PDE1A: variants seen among roughly 807,000 people sequenced by gnomAD.
PDE1A encodes phosphodiesterase 1A, also known as dual specificity calcium/calmodulin-dependent 3',5'-cyclic nucleotide phosphodiesterase 1A.
A neutral mutation model predicts 61.7 loss-of-function variants in PDE1A; 35 were observed. The observed-to-expected ratio is 0.57, with a 90% confidence interval of 0.43 to 0.75. The LOEUF (loss-of-function observed/expected upper bound fraction) is 0.75. PDE1A is among the 30% of genes least tolerant of loss of function. The pLI, the probability that PDE1A is intolerant of heterozygous loss-of-function variation, is 0.00. For synonymous variants in PDE1A, 232 were observed against 213.2 expected (o/e 1.09, Z -0.77); for missense variants, 597 against 630.6 (o/e 0.95, Z 0.57).
chr2:182,545,961 T>C, the PDE1A span, among the ~76,000 whole-genome samples: 8 of 152,300 alleles, frequency 5.3e-5, no homozygotes, highest in East Asian at 1.4e-3. Flanking sequence ...GGACTTTTAC[T>C]ATATAGAGAA....
chr2:182,707,463 G>T, the PDE1A span, among the ~76,000 whole-genome samples: 1 of 152,130 alleles, frequency 6.6e-6, no homozygotes, highest in Admixed American at 6.6e-5. Flanking sequence ...TATTACTACA[G>T]ATTCCCCAGA....
chr2:182,168,354 A>G (rs1020206669), intron 13 of PDE1A: 1 of 1,427,790 alleles, frequency 7.0e-7, no homozygotes, highest in Non-Finnish European at 9.5e-7. Flanking sequence ...GAAGTTATGA[A>G]AAAAAGTAAT....
chr2:182,356,640 G>A (rs1337420942), intron 1 of PDE1A, among the ~76,000 whole-genome samples: 1 of 151,952 alleles, frequency 6.6e-6, no homozygotes, highest in African/African-American at 2.4e-5. Context: ...AGGCTGAGGT[G>A]GGAGAATCTC....
At chr2:182,466,378 A>T (rs1442664147) in intron 2 of PDE1A, among the ~76,000 whole-genome samples, 1 of 151,958 alleles carries the variant, frequency 6.6e-6, no homozygotes, top group African/African-American at 2.4e-5. Context: ...TTCTTTTCTC[A>T]TTCTCTTAAA....
chr2:182,529,409 A>G, the PDE1A span, among the ~76,000 whole-genome samples: 1 of 152,174 alleles, frequency 6.6e-6, no homozygotes, highest in Non-Finnish European at 1.5e-5. Context: ...CAATGCCCAT[A>G]CCCCCATCAT....
At chr2:182,547,741 T>C in the PDE1A span, among the ~76,000 whole-genome samples, 2 of 152,206 alleles carry the variant, frequency 1.3e-5, no homozygotes, top group Non-Finnish European at 2.9e-5. Context: ...ACCAAAAATC[T>C]CTCAGAAATG....
chr2:182,468,499 A>G (rs1686817105), intron 2 of PDE1A, among the ~76,000 whole-genome samples: 1 of 152,002 alleles, frequency 6.6e-6, no homozygotes, highest in Middle Eastern at 3.4e-3. Context: ...TTCTCTTGCT[A>G]TTTTCACCAC....
At chr2:182,345,929 T>A in intron 1 of PDE1A, among the ~76,000 whole-genome samples, 1 of 152,210 alleles carries the variant, frequency 6.6e-6, no homozygotes, top group Non-Finnish European at 1.5e-5. Flanking sequence ...ATCTGTCTCC[T>A]GCAATGTTAC....
chr2:182,285,014 T>C (rs892569350), intron 1 of PDE1A, among the ~76,000 whole-genome samples: 2 of 152,112 alleles, frequency 1.3e-5, no homozygotes, highest in Non-Finnish European at 2.9e-5. Context: ...CTTAGCTATC[T>C]TCACTTTCCT....
intron 13 of PDE1A, among the ~76,000 whole-genome samples, chr2:182,152,483 T>G (rs1198045410): frequency 1.4e-5 from 2 of 138,862 alleles, no homozygotes; most frequent in African/African-American, 5.4e-5. Context: ...TGCAATGGCA[T>G]CATCTTGGCT....
intron 2 of PDE1A, among the ~76,000 whole-genome samples, chr2:182,432,087 T>C (rs1390376033): frequency 6.6e-6 from 1 of 152,100 alleles, no homozygotes; most frequent in Non-Finnish European, 1.5e-5. Flanking sequence ...AACATATATT[T>C]AAACCCCAGC....
the PDE1A span, among the ~76,000 whole-genome samples, chr2:182,684,309 A>G: frequency 1.3e-5 from 2 of 152,180 alleles, no homozygotes; most frequent in South Asian, 4.1e-4. Context: ...ATTGTGTATT[A>G]TATATAGTAT....
At chr2:182,659,044 G>C in the PDE1A span, among the ~76,000 whole-genome samples, 1 of 152,032 alleles carries the variant, frequency 6.6e-6, no homozygotes, top group Non-Finnish European at 1.5e-5. Flanking sequence ...TTTATAATCT[G>C]CCTATATTAC....
chr2:182,417,397 T>C (rs1024203136), intron 1 of PDE1A, among the ~76,000 whole-genome samples: 1 of 152,220 alleles, frequency 6.6e-6, no homozygotes, highest in Non-Finnish European at 1.5e-5. Context: ...TCCTGGGTTT[T>C]ACCCAGAGAT....
At chr2:182,459,112 A>C (rs1208425574) in intron 2 of PDE1A, among the ~76,000 whole-genome samples, 1 of 152,162 alleles carries the variant, frequency 6.6e-6, no homozygotes. Context: ...TTCATCTCTA[A>C]GATAAATAAT....
At chr2:182,670,017 C>T in the PDE1A span, among the ~76,000 whole-genome samples, 1 of 152,316 alleles carries the variant, frequency 6.6e-6, no homozygotes, top group East Asian at 1.9e-4. Context: ...AGTAAAAATG[C>T]TATATAAACC....
At chr2:182,516,757 A>AAAAG in intron 2 of PDE1A, among the ~76,000 whole-genome samples, 1 of 95,102 alleles carries the variant, frequency 1.1e-5, no homozygotes, top group African/African-American at 3.6e-5. Flanking sequence ...GAGAGAAAGA[A>AAAAG]AGAAAAAGAA....
At chr2:182,393,104 C>T (rs1701511797) in intron 1 of PDE1A, among the ~76,000 whole-genome samples, 1 of 152,238 alleles carries the variant, frequency 6.6e-6, no homozygotes, top group Non-Finnish European at 1.5e-5. Flanking sequence ...TGCAGAGGTT[C>T]TCCATAAGGA....
At chr2:182,689,600 A>C in the PDE1A span, among the ~76,000 whole-genome samples, 1 of 152,224 alleles carries the variant, frequency 6.6e-6, no homozygotes, top group Non-Finnish European at 1.5e-5. Flanking sequence ...TTGACACCCT[A>C]ACATCACAAT....
Sources: allele counts gnomAD v4.1 joint callset (sites outside exome capture counted in the v4.1 genomes callset), GRCh38; gene constraint gnomAD v4.1.1; transcripts MANE v1.5; gene names NCBI Gene and HGNC (gene_info 2026-07-23, HGNC 2026-07-21).